PSTK: variants seen among roughly 807,000 people sequenced by gnomAD.
PSTK encodes phosphoseryl-tRNA kinase.
A neutral mutation model predicts 38.6 loss-of-function variants in PSTK; 26 were observed. The observed-to-expected ratio is 0.67, with a 90% CI of 0.49 to 0.94. The LOEUF is 0.94. Ranked by LOEUF, PSTK falls within the 40% of genes least tolerant of loss-of-function variation. The pLI is 0.00. For synonymous variants in PSTK, 181 were observed against 161.7 expected (o/e 1.12, Z -0.91); for missense variants, 445 against 436.3 (o/e 1.02, Z -0.18).
At chr10:122,989,017 AATGCTGAT>A (rs1849075845) in intron 5 of PSTK, among the ~76,000 whole-genome samples, 1 of 152,128 alleles carries the variant, frequency 6.6e-6, no homozygotes, top group African/African-American at 2.4e-5. Flanking sequence ...AAAGGAATGA[AATGCTGAT>A]ATGTGCTATA....
In PSTK at chr10:122,980,525, C is replaced by A; in HGVS notation, c.46C>A (p.Arg16=). ...NIRGTGSDGP[R]KRGLCVLCGL... ...CAGAGGAACCGGCAGCGACGGGCCG[C>A]GGAAACGAGGCCTCTGCGTCCTCTG... Residue 16 remains arginine (R), a synonymous_variant, in exon 1 of 6, where the codon CGG becomes AGG. Coordinates refer to ENST00000406217, the MANE Select transcript of PSTK (RefSeq NM_001363531.2). The surrounding 1 kb of genome is among the most constrained non-coding windows in gnomAD (Gnocchi z 4.3). 6.2e-7 allele frequency: 1 copy of A among 1,609,504 alleles called. No individual in the cohort carries two copies.
At chr10:122,981,468 G>A (rs776743989) in intron 1 of PSTK, among the ~76,000 whole-genome samples, 6 of 152,214 alleles carry the variant, frequency 3.9e-5, no homozygotes, top group Non-Finnish European at 5.9e-5. Flanking sequence ...TGGGGGAAGA[G>A]TAGATTACAT....
chr10:122,986,594 G>A (rs1382291272), intron 4 of PSTK: 3 of 598,880 alleles, frequency 5.0e-6, no homozygotes, highest in Non-Finnish European at 8.9e-6. Context: ...TGGTAGGAAT[G>A]TTTACATCAC....
chr10:122,987,574 AT>A, intron 5 of PSTK: 1 of 1,561,100 alleles, frequency 6.4e-7, no homozygotes, highest in Non-Finnish European at 8.7e-7. Flanking sequence ...AAGTCAATGT[AT>A]TATAAATCTG....
At position 122,980,614 on chromosome 10, in the gene PSTK, GCAGGGTTGGGCCAT is replaced by G; in HGVS notation, c.137_150del (p.Gln46ArgfsTer6). 6 of 1,612,196 alleles carry G rather than the reference GCAGGGTTGGGCCAT, an allele frequency of 3.7e-6. No individual in the cohort carries two copies. The highest frequency in any genetic ancestry group is 4.2e-6 in the Non-Finnish European group (5 of 1,179,598). On this transcript the variant is annotated frameshift_variant, in exon 1 of 6. Coordinates refer to ENST00000406217, the MANE Select transcript of PSTK (RefSeq NM_001363531.2). LOFTEE classifies it high-confidence loss of function. This position sits in a 1 kb window ranked among gnomAD's most constrained non-coding sequence, Gnocchi z 4.3. ...CCCTCGCCCACCGGCTGCAGCAGGA[GCAGGGTTGGGCCAT>G]CGGTGTTGTCGCGTATGATGACGTC...
At chr10:122,990,039 A>G (rs1332471436) in intron 5 of PSTK, 135 bp from the exon 6 acceptor site, 6 of 584,618 alleles carry the variant, frequency 1.0e-5, no homozygotes, top group Middle Eastern at 4.2e-4. Flanking sequence ...TTTTTTCTAT[A>G]TATTACACTA....
chr10:122,982,997 T>C lies in PSTK; in HGVS notation c.481T>C (p.Tyr161His). 1.2e-6 allele frequency: 2 copies of C among 1,613,230 alleles called. No individual in the cohort carries two copies. Among genetic ancestry groups the C allele is most frequent in the Non-Finnish European group, 1.7e-6 (2 of 1,179,374 alleles). ...CAATTTTTATTATCAGAGTATGAGATATGAAGTCTACCAGCTGGCTCGGAA... is the reference window on the plus strand; with the variant it reads ...CAATTTTTATTATCAGAGTATGAGACATGAAGTCTACCAGCTGGCTCGGAA... ...DDNFYYQSMR[Y>H]EVYQLARKYS... Residue 161 changes from tyrosine to histidine, a missense_variant, in exon 2 of 6, where the codon TAT (tyrosine) becomes CAT (histidine). Physicochemically the swap from Tyr to His is moderately conservative, Grantham distance 83. Transcript: ENST00000406217.
chr10:122,987,858 T>C (rs1327462957), intron 5 of PSTK, among the ~76,000 whole-genome samples: 2 of 152,204 alleles, frequency 1.3e-5, no homozygotes, highest in Non-Finnish European at 1.5e-5. Context: ...AATATTTGGG[T>C]AACCTGGGGT....
intron 5 of PSTK, among the ~76,000 whole-genome samples, chr10:122,989,180 G>GGGGGCGGGGGGTGGGC (rs2133362173): frequency 1.5e-5 from 2 of 134,970 alleles, no homozygotes; most frequent in African/African-American, 5.3e-5. Flanking sequence ...CTTAGAGATG[G>GGGGGCGGGGGGTGGGC]GGGGCGGGGG....
chr10:122,989,291 GC>G, intron 5 of PSTK, among the ~76,000 whole-genome samples: 1 of 152,040 alleles, frequency 6.6e-6, no homozygotes, highest in Admixed American at 6.6e-5. Context: ...TTGCTCTGTT[GC>G]CCAGGCTGGA....
intron 5 of PSTK, 74 bp downstream of exon 5, chr10:122,987,036 G>C (rs931958290): frequency 3.9e-6 from 4 of 1,022,708 alleles, no homozygotes; most frequent in Admixed American, 4.0e-5. Context: ...CCGACACTCA[G>C]AGTTTATTAG....
chr10:122,987,391 A>T, intron 5 of PSTK: 1 of 1,614,220 alleles, frequency 6.2e-7, no homozygotes, highest in Non-Finnish European at 8.5e-7. Context: ...AGAGCGAACC[A>T]TGCAGCTATC....
chr10:122,982,761 A>G lies in PSTK; in HGVS notation c.245A>G (p.Glu82Gly). The G allele has an allele frequency of 2.5e-6, 4 of 1,614,154 alleles. No individual in the cohort carries two copies. The highest frequency in any genetic ancestry group is 3.4e-6 in the Non-Finnish European group (4 of 1,179,988). The change falls in exon 2 of 6, where the codon GAA becomes GGA. Residue 82 changes from glutamate (E) to glycine (G), a missense_variant. Physicochemically the swap from Glu to Gly is moderately conservative, Grantham distance 98 (BLOSUM62 -2). Coordinates refer to ENST00000406217, the MANE Select transcript of PSTK (RefSeq NM_001363531.2). ...TCCCAATGGAAATTGCTTCGACAGGAACTGTTGAAGTACCTGGAATACTTC... is the reference window on the plus strand; with the variant it reads ...TCCCAATGGAAATTGCTTCGACAGGGACTGTTGAAGTACCTGGAATACTTC... ...APSQWKLLRQ[E>G]LLKYLEYFLM...
intron 3 of PSTK, chr10:122,985,692 A>G (rs1242106927): frequency 6.6e-6 from 1 of 152,222 alleles, no homozygotes; most frequent in Non-Finnish European, 1.5e-5. Context: ...TTCAGCCTTA[A>G]GAGGGGAAAA....
intron 5 of PSTK, among the ~76,000 whole-genome samples, chr10:122,988,302 G>A (rs1032940282): frequency 8.5e-5 from 13 of 152,072 alleles, no homozygotes; most frequent in African/African-American, 2.4e-4. Context: ...AATGAAGCAA[G>A]GTCCTGGGGG....
intron 3 of PSTK, 168 bp from the exon 4 acceptor site, chr10:122,986,132 A>G (rs1307349609): frequency 1.0e-5 from 4 of 394,540 alleles, no homozygotes; most frequent in Non-Finnish European, 1.8e-5. Flanking sequence ...GAGGCAGGAG[A>G]ATGGCGCAAA....
At position 122,986,966 on chromosome 10, in the gene PSTK, T is replaced by C. The variant is rs747678736; in HGVS notation, c.877+4T>C. ...CAGACAATGAAGGAAGCAAAAGGTA[T>C]GATGTGTCAGTTATGTGTTGAGTTG... On this transcript the variant is annotated splice_donor_region_variant and intron_variant, in intron 5 of 5. Transcript: ENST00000406217. 1.3e-6 allele frequency: 2 copies of C among 1,583,110 alleles called. No homozygotes were observed. The highest frequency in any genetic ancestry group is 8.7e-7 in the Non-Finnish European group (1 of 1,152,012).
intron 3 of PSTK, chr10:122,984,851 C>G (rs1418917320): frequency 6.6e-6 from 1 of 152,236 alleles, no homozygotes; most frequent in Non-Finnish European, 1.5e-5. Flanking sequence ...TCAGTCCTCA[C>G]AACCACCCTT....
chr10:122,987,034 CAG>C (rs1849044405), intron 5 of PSTK, 72 bp downstream of exon 5: 6 of 1,042,656 alleles, frequency 5.8e-6, no homozygotes, highest in Non-Finnish European at 5.9e-6. Context: ...TCCCGACACT[CAG>C]AGTTTATTAG....
Sources: allele counts gnomAD v4.1 joint callset (sites outside exome capture counted in the v4.1 genomes callset), GRCh38; gene constraint gnomAD v4.1.1; non-coding constraint Gnocchi (gnomAD v3.1); transcripts MANE v1.5; gene names NCBI Gene and HGNC (gene_info 2026-07-23, HGNC 2026-07-21).